Variants in FAT3 observed in about 807,000 individuals in gnomAD.
FAT3 encodes the protein FAT atypical cadherin 3.
A neutral mutation model predicts 310.2 loss-of-function variants in FAT3; 95 were observed. That is an observed-to-expected ratio of 0.31 (90% confidence interval 0.26 to 0.36). The LOEUF is 0.36. FAT3 is among the 10% of genes least tolerant of loss of function. The probability of loss-of-function intolerance (pLI) is 1.00; values close to 1 mark genes in which losing one functional copy is unlikely to be tolerated. For missense variants in FAT3, 5,408 were observed against 5,715.6 expected (o/e 0.95, Z 1.74); for synonymous variants, 2,314 against 2,192.9 (o/e 1.06, Z -1.54).
At position 92,308,992 on chromosome 11, in the gene FAT3, C is replaced by T. The variant is rs922806955; in HGVS notation, c.-17-43104C>T. Among the ~76,000 whole-genome samples the T allele has an allele frequency of 2.0e-5, 3 of 152,104 alleles. No individual in the cohort carries two copies. The South Asian group carries it at 6.2e-4, about 32-fold the overall frequency. On this transcript the variant is annotated intron_variant, in intron 1 of 27. Coordinates refer to ENST00000525166, the MANE Select transcript of FAT3 (RefSeq NM_001367949.2). ...TGGGTCCTCTGGAATTCTACGCCCC[C>T]GGGACCAAAAGCTTTCTAGTAAGGA...
intron 3 of FAT3, among the ~76,000 whole-genome samples, chr11:92,637,885 T>A (rs900531427): frequency 6.6e-6 from 1 of 152,212 alleles, no homozygotes; most frequent in South Asian, 2.1e-4. Context: ...CTGTCAGGCA[T>A]ATGGAGTTCC....
chr11:92,509,503 A>T (rs990256655), intron 2 of FAT3, among the ~76,000 whole-genome samples: 2 of 152,176 alleles, frequency 1.3e-5, no homozygotes, highest in Non-Finnish European at 2.9e-5. Flanking sequence ...TCACATGAAT[A>T]TTTCAGCCAA....
At chr11:92,273,778 G>A (rs1480114154) in intron 1 of FAT3, among the ~76,000 whole-genome samples, 1 of 152,072 alleles carries the variant, frequency 6.6e-6, no homozygotes, top group Non-Finnish European at 1.5e-5. Context: ...CTTGGATCCT[G>A]TTATTCTACG....
chr11:92,751,888 C>A (rs979010308), intron 4 of FAT3, among the ~76,000 whole-genome samples: 2 of 152,130 alleles, frequency 1.3e-5, no homozygotes, highest in African/African-American at 2.4e-5. Context: ...TGAGAATATT[C>A]TTAACGTCTA....
intron 1 of FAT3, among the ~76,000 whole-genome samples, chr11:92,277,245 T>A (rs1156349693): frequency 6.6e-6 from 1 of 152,178 alleles, no homozygotes; most frequent in African/African-American, 2.4e-5. Context: ...TCTAGAAGGT[T>A]GTTTTTTAAG....
intron 2 of FAT3, among the ~76,000 whole-genome samples, chr11:92,447,173 A>C (rs1295682485): frequency 6.6e-6 from 1 of 151,820 alleles, no homozygotes; most frequent in Non-Finnish European, 1.5e-5. Context: ...GTATGTGTAC[A>C]TATGTGTGTG....
chr11:92,880,708 C>A (rs2136396850), intron 22 of FAT3, 23 bp from the exon 23 acceptor site: 1 of 1,607,294 alleles, frequency 6.2e-7, no homozygotes, highest in East Asian at 2.2e-5. Context: ...ATCCATGGCT[C>A]ATGAGGTCCT....
intron 19 of FAT3, among the ~76,000 whole-genome samples, chr11:92,855,782 A>G (rs1591819059): frequency 6.6e-6 from 1 of 152,194 alleles, no homozygotes; most frequent in Non-Finnish European, 1.5e-5. Flanking sequence ...AGACTTTGTA[A>G]GCTGGATCAG....
At chr11:92,705,542 T>TGTGATGGTGGTGGTG (rs1565527011) in intron 4 of FAT3, among the ~76,000 whole-genome samples, 13 of 17,658 alleles carry the variant, frequency 7.4e-4, no homozygotes, top group African/African-American at 2.9e-3. Flanking sequence ...GGTGTGATGG[T>TGTGATGGTGGTGGTG]GTGATGGTGG....
intron 3 of FAT3, among the ~76,000 whole-genome samples, chr11:92,539,913 A>G (rs1451916639): frequency 1.3e-5 from 2 of 152,194 alleles, no homozygotes; most frequent in Non-Finnish European, 2.9e-5. Context: ...GTCATCGCAT[A>G]GGGCCCTGTG....
intron 2 of FAT3, among the ~76,000 whole-genome samples, chr11:92,496,375 C>A (rs1952765088): frequency 6.6e-6 from 1 of 152,046 alleles, no homozygotes; most frequent in South Asian, 2.1e-4. Flanking sequence ...CCCCTCCCTA[C>A]TTCTAACCTG....
chr11:92,329,862 A>G (rs1377237237), intron 1 of FAT3, among the ~76,000 whole-genome samples: 3 of 113,646 alleles, frequency 2.6e-5, no homozygotes, highest in African/African-American at 6.7e-5. Flanking sequence ...CAGTTTCTGC[A>G]GTAAGAAACT....
rs570152832 is a variant in FAT3 at position 92,797,666 on chromosome 11, A to G, written c.4823-170A>G. ...GGGAAACTCATTTTGGTTCCTTTTC[A>G]GTACCCCTGAAAGAGAAGCCTCTCA... On this transcript the variant is annotated intron_variant, in intron 9 of 27. Transcript: ENST00000525166. Among the ~76,000 whole-genome samples the G allele has an allele frequency of 3.9e-5, 6 of 152,302 alleles. No homozygotes were observed. In the East Asian group the frequency reaches 1.2e-3, roughly 29 times the overall value.
rs776341810 is a variant in FAT3 at position 92,799,656 on chromosome 11, G to T, written c.6643G>T (p.Gly2215Cys). 4 of 1,613,728 alleles carry T rather than the reference G, an allele frequency of 2.5e-6. No homozygotes were observed. The South Asian group carries it at 4.4e-5, about 18-fold the overall frequency. ...ILSINATSPE[G>C]QGIIYIIIDG... ...AAGCATCAATGCCACCAGTCCAGAA[G>T]GCCAAGGCATCATATATATCATTAT... Residue 2215 changes from glycine (G) to cysteine (C), a missense_variant, in exon 10 of 28, where the codon GGC becomes TGC. Transcript: ENST00000525166.
rs1046112834 is a variant in FAT3 at position 92,891,169 on chromosome 11, G to A, written c.*56G>A. ...GTTACAGAAAAGTGGAAGCAGATTG[G>A]CTGGGCTTCTGTCCCAGTGGAGCAT... On this transcript the variant is annotated 3_prime_UTR_variant, in exon 28 of 28. Coordinates refer to ENST00000525166, the MANE Select transcript of FAT3 (RefSeq NM_001367949.2). 1.0e-5 allele frequency: 16 copies of A among 1,582,432 alleles called. No individual in the cohort carries two copies. Among genetic ancestry groups the A allele is most frequent in the African/African-American group, 1.3e-5 (1 of 74,536 alleles).
intron 3 of FAT3, among the ~76,000 whole-genome samples, chr11:92,527,420 A>G (rs1953904221): frequency 6.6e-6 from 1 of 152,128 alleles, no homozygotes; most frequent in African/African-American, 2.4e-5. Context: ...CATTCTAACT[A>G]CTTTACTGTA....
intron 4 of FAT3, among the ~76,000 whole-genome samples, chr11:92,743,334 T>C (rs1204098201): frequency 1.3e-5 from 2 of 152,206 alleles, no homozygotes; most frequent in Admixed American, 6.5e-5. Context: ...CAGCAGGAGA[T>C]TGACATGCTT....
chr11:92,584,414 T>A (rs1565433278), intron 3 of FAT3, among the ~76,000 whole-genome samples: 1 of 152,098 alleles, frequency 6.6e-6, no homozygotes, highest in Non-Finnish European at 1.5e-5. Flanking sequence ...CAGAAAGCTT[T>A]TGAGTTGGCA....
intron 3 of FAT3, among the ~76,000 whole-genome samples, chr11:92,577,257 C>T (rs866874045): frequency 4.0e-5 from 6 of 151,700 alleles, no homozygotes; most frequent in Middle Eastern, 3.4e-3. Context: ...TACAGGCGGT[C>T]GCCAACATGC....
Sources: allele counts gnomAD v4.1 joint callset (sites outside exome capture counted in the v4.1 genomes callset), GRCh38; gene constraint gnomAD v4.1.1; transcripts MANE v1.5; gene names NCBI Gene and HGNC (gene_info 2026-07-23, HGNC 2026-07-21).